SLC6A19: variants seen among roughly 807,000 people sequenced by gnomAD.
SLC6A19 encodes solute carrier family 6 member 19, also known as sodium-dependent neutral amino acid transporter B(0)AT1.
A neutral mutation model predicts 68.3 loss-of-function variants in SLC6A19; 67 were observed. The ratio of observed to expected loss-of-function variants is 0.98; its 90% confidence interval spans 0.81 to 1.20. The LOEUF (loss-of-function observed/expected upper bound fraction) is 1.20, where lower values mean the gene tolerates loss of function less well. Among genes scored for constraint, SLC6A19 ranks in the 50% most tolerant of loss-of-function variants. The pLI, the probability that SLC6A19 is intolerant of heterozygous loss-of-function variation, is 0.00. For missense variants in SLC6A19, 813 were observed against 851.6 expected (o/e 0.95, Z 0.56); for synonymous variants, 392 against 374.9 (o/e 1.05, Z -0.53).
At chr5:1,219,130 T>G in intron 9 of SLC6A19, 23 bp downstream of exon 9, 1 of 1,595,264 alleles carries the variant, frequency 6.3e-7, no homozygotes, top group Non-Finnish European at 8.5e-7. Flanking sequence ...TCGGGAGGGG[T>G]CCCCATGGCA....
Position 1,225,025 on chromosome 5 carries a change from C to G in SLC6A19, c.*3121C>G, listed in dbSNP as rs549337224. 6.1e-6 allele frequency: 1 copy of G among 162,738 alleles called. No individual in the cohort carries two copies. The highest frequency in any genetic ancestry group is 1.9e-4 in the East Asian group (1 of 5,354). 10.1% of individuals were successfully genotyped at this position (162,738 alleles called of 1,614,324 possible). ...GGGCTTCGGGTGCATGCGATCTGAT[C>G]TGAGTTGTTTCTGACAGTGACAGAG... On this transcript the variant is annotated 3_prime_UTR_variant, in exon 12 of 12. Transcript: ENST00000304460.
chr5:1,202,016 C>T (rs550697669), intron 1 of SLC6A19, among the ~76,000 whole-genome samples, 164 bp downstream of exon 1: 7 of 152,310 alleles, frequency 4.6e-5, no homozygotes, highest in African/African-American at 1.4e-4. Flanking sequence ...CACGGGCCCC[C>T]GTGCCCGGTT....
Position 1,212,086 on chromosome 5 carries a change from G to A in SLC6A19, c.482-217G>A, listed in dbSNP as rs1746054555. ...GTGGGGTGTGCAGGTGCATGGACCAGATGTGCACACGAGGGTGTAGCTGTG... is the reference window on the plus strand; with the variant it reads ...GTGGGGTGTGCAGGTGCATGGACCAAATGTGCACACGAGGGTGTAGCTGTG... On this transcript the variant is annotated intron_variant, in intron 3 of 11. Transcript: ENST00000304460. The surrounding 1 kb of genome is among the most constrained non-coding windows in gnomAD (Gnocchi z 5.1). 6.6e-6 allele frequency among the ~76,000 whole-genome samples: 1 copy of A among 150,602 alleles called. No individual in the cohort carries two copies. The highest frequency in any genetic ancestry group is 6.6e-5 in the Admixed American group (1 of 15,126).
intron 8 of SLC6A19, 126 bp downstream of exon 8, chr5:1,217,071 T>G: frequency 6.9e-7 from 1 of 1,445,372 alleles, no homozygotes; most frequent in Non-Finnish European, 9.5e-7. Flanking sequence ...GAGGCCCAGC[T>G]CCCACTGTCT....
At position 1,218,922 on chromosome 5, in the gene SLC6A19, TG is replaced by T; in HGVS notation, c.1195del (p.Ala399ProfsTer77). On this transcript the variant is annotated frameshift_variant, in exon 9 of 12. Transcript: ENST00000304460. LOFTEE classifies it high-confidence loss of function. ...GTGCAGGCCGTGGAGGGCACAGGCCTGGCCTTCATCGTCTTCACCGAGGCCA... is the reference window on the plus strand; with the variant it reads ...GTGCAGGCCGTGGAGGGCACAGGCCTGCCTTCATCGTCTTCACCGAGGCCA... ...FLSEAVEGTG[L>X]AFIVFTEAIT... 6.2e-7 allele frequency: 1 copy of T among 1,613,856 alleles called. No individual in the cohort carries two copies. Among genetic ancestry groups the T allele is most frequent in the Non-Finnish European group, 8.5e-7 (1 of 1,180,006 alleles).
chr5:1,210,578 A>G lies in SLC6A19; in HGVS notation c.478A>G (p.Thr160Ala). The G allele has an allele frequency of 6.2e-7, 1 of 1,612,746 alleles. No homozygotes were observed. Among genetic ancestry groups the G allele is most frequent in the Non-Finnish European group, 8.5e-7 (1 of 1,180,012 alleles). The change falls in exon 3 of 12, where the codon ACA (threonine) becomes GCA (alanine). Residue 160 changes from threonine to alanine, a missense_variant. Thr to Ala is a moderately conservative substitution (Grantham distance 58). Transcript: ENST00000304460. ...WSDCPLNENQ[T>A]GYVDECARSS... is the part of the protein sequence containing the mutation. ...CGACTGCCCGCTCAACGAGAACCAGACAGGTGAGTCCTTGCAAGCAGCCCC... is the reference window on the plus strand; with the variant it reads ...CGACTGCCCGCTCAACGAGAACCAGGCAGGTGAGTCCTTGCAAGCAGCCCC...
At chr5:1,211,365 C>A (rs1386811257) in intron 3 of SLC6A19, among the ~76,000 whole-genome samples, 2 of 152,220 alleles carry the variant, frequency 1.3e-5, no homozygotes, top group Non-Finnish European at 2.9e-5. Context: ...CCCAGAGAGG[C>A]CCACAGTGGT....
intron 9 of SLC6A19, 107 bp from the exon 10 acceptor site, chr5:1,219,398 G>C (rs1746300564): frequency 6.6e-7 from 1 of 1,504,038 alleles, no homozygotes; most frequent in South Asian, 1.2e-5. Context: ...TGTGTGAACA[G>C]CTCTGTCCCT....
rs982400558 is a variant in SLC6A19, at chr5:1,208,852, G to A, written c.309G>A (p.Val103=). The part of the protein sequence containing the change: ...GQRLRRGSLG[V]WSSIHPALKG... ...GGCTGCGGCGGGGCAGCCTGGGTGT[G>A]TGGAGCTCCATCCACCCGGCCCTGA... Residue 103 remains valine, a synonymous_variant, in exon 2 of 12, where the codon GTG becomes GTA. Coordinates refer to ENST00000304460, the MANE Select transcript of SLC6A19 (RefSeq NM_001003841.3). 5.0e-6 allele frequency: 8 copies of A among 1,612,782 alleles called. No homozygotes were observed. The highest frequency in any genetic ancestry group is 6.8e-6 in the Non-Finnish European group (8 of 1,179,958).
rs1174673793 is a variant in SLC6A19 at position 1,209,014 on chromosome 5, T to G, written c.343+128T>G. 3.1e-6 allele frequency: 4 copies of G among 1,280,434 alleles called. No homozygotes were observed. Among genetic ancestry groups the G allele is most frequent in the African/African-American group, 1.5e-5 (1 of 65,204 alleles). 79.3% of individuals were successfully genotyped at this position (1,280,434 alleles called of 1,614,324 possible). ...CTCTGCCTTCCCTGTCTGTTTCTGG[T>G]GCAACAAAGGTCCCAGCTTCATCTC... is the stretch of plus-strand genomic sequence containing the variant. On this transcript the variant is annotated intron_variant, in intron 2 of 11. Transcript: ENST00000304460. The surrounding 1 kb of genome is among the most constrained non-coding windows in gnomAD (Gnocchi z 5.5).
chr5:1,221,971 G>A lies in SLC6A19; in HGVS notation c.*67G>A. On this transcript the variant is annotated 3_prime_UTR_variant, in exon 12 of 12. Transcript: ENST00000304460. ...AGGAGGAACCAGCAAGACCTGTGGG[G>A]TGGGGGCCGGGCTGCACCTGCATGT... 1.3e-6 allele frequency: 2 copies of A among 1,568,312 alleles called. No individual in the cohort carries two copies. The highest frequency in any genetic ancestry group is 1.7e-6 in the Non-Finnish European group (2 of 1,149,002).
At chr5:1,203,145 A>G (rs926525164) in intron 1 of SLC6A19, among the ~76,000 whole-genome samples, 3 of 152,046 alleles carry the variant, frequency 2.0e-5, no homozygotes, top group East Asian at 3.9e-4. Flanking sequence ...CCCACTGGGG[A>G]TGGAGGGGCA....
Position 1,222,041 on chromosome 5 carries a change from C to A in SLC6A19, c.*137C>A. ...CTCGTGTGTGAGTGTGTGTATTGTA[C>A]ACGCATGTGCCATGTGTGCAGATAT... On this transcript the variant is annotated 3_prime_UTR_variant, in exon 12 of 12. Coordinates refer to ENST00000304460, the MANE Select transcript of SLC6A19 (RefSeq NM_001003841.3). 1 of 946,198 alleles carries A rather than the reference C, an allele frequency of 1.1e-6. No homozygotes were observed. Among genetic ancestry groups the A allele is most frequent in the Non-Finnish European group, 1.6e-6 (1 of 623,792 alleles). 58.6% of individuals were successfully genotyped at this position (946,198 alleles called of 1,614,324 possible).
intron 1 of SLC6A19, among the ~76,000 whole-genome samples, chr5:1,207,368 C>T (rs927387196): frequency 2.0e-5 from 3 of 147,096 alleles, no homozygotes; most frequent in Middle Eastern, 3.4e-3. Context: ...GCAGAGGGAG[C>T]GGTCAGGGCA....
At chr5:1,210,691 C>T in intron 3 of SLC6A19, 110 bp downstream of exon 3, 1 of 1,493,464 alleles carries the variant, frequency 6.7e-7, no homozygotes, top group Non-Finnish European at 9.1e-7. Context: ...AAACCAGAGC[C>T]CCAAGGCAAC....
At chr5:1,218,839 G>C in intron 8 of SLC6A19, 64 bp from the exon 9 acceptor site, 1 of 1,573,530 alleles carries the variant, frequency 6.4e-7, no homozygotes, top group East Asian at 2.2e-5. Context: ...ACGAGACCTC[G>C]GGCGGGGAGG....
rs573725558 is a variant in SLC6A19, at chr5:1,202,231, G to C, written c.202+379G>C. 9.3e-4 allele frequency among the ~76,000 whole-genome samples: 142 copies of C among 152,326 alleles called. No individual in the cohort carries two copies. In the Middle Eastern group the frequency reaches 0.01, roughly 11 times the overall value. On this transcript the variant is annotated intron_variant, in intron 1 of 11. Coordinates refer to ENST00000304460, the MANE Select transcript of SLC6A19 (RefSeq NM_001003841.3). The stretch of plus-strand genomic sequence containing the variant: ...CTCCTGGGCATCACCTCTCGTCCCA[G>C]CCCCACAGGCGGACACCTGCCAGTG...
chr5:1,218,135 T>A (rs774005898), intron 8 of SLC6A19, among the ~76,000 whole-genome samples: 45 of 151,396 alleles, frequency 3.0e-4, no homozygotes, highest in Non-Finnish European at 4.7e-4. Context: ...CCTTTTAAAC[T>A]CTTCAGAGCC....
intron 9 of SLC6A19, 59 bp downstream of exon 9, chr5:1,219,166 C>T: frequency 6.6e-7 from 1 of 1,521,894 alleles, no homozygotes; most frequent in Non-Finnish European, 8.9e-7. Context: ...GGATGGCAGC[C>T]CCCGGCTGTG....
Sources: gnomAD v4.1 joint callset for allele counts (sites outside exome capture counted in the v4.1 genomes callset) on GRCh38, gnomAD v4.1.1 for gene constraint, Gnocchi (gnomAD v3.1) non-coding constraint, MANE v1.5 for transcripts, NCBI Gene and HGNC (gene_info 2026-07-23, HGNC 2026-07-21) for gene names.